RAB20: variants seen among roughly 807,000 people sequenced by gnomAD.
RAB20 encodes the protein ras-related protein Rab-20.
Under a neutral mutation model 3.7 loss-of-function variants are expected in RAB20, and 2 were observed. The ratio of observed to expected loss-of-function variants is 0.54; its 90% CI spans 0.22 to 1.69. The LOEUF is 1.69. RAB20 is among the 40% of genes most tolerant of loss of function. RAB20 has a pLI of 0.19. For missense variants in RAB20, 276 were observed against 311.9 expected (o/e 0.88, Z 0.87); for synonymous variants, 126 against 130.8 (o/e 0.96, Z 0.25).
intron 1 of RAB20, among the ~76,000 whole-genome samples, chr13:110,525,367 C>T (rs986150758): frequency 3.1e-4 from 47 of 152,200 alleles, no homozygotes; most frequent in African/African-American, 1.1e-3. Flanking sequence ...ATCAAATCAA[C>T]CCGGGTCAGA....
In RAB20 at chr13:110,523,996, CCCG is replaced by C; in HGVS notation, c.371_373del (p.Ala124del). ...GGGACTGCACTCTTCCTTCTCCTGG[CCCG>C]CCAAGGCCCCCTCCTCAGTGAGGTC... On this transcript the variant is annotated inframe_deletion, in exon 2 of 2. Coordinates refer to ENST00000267328, the MANE Select transcript of RAB20 (RefSeq NM_017817.3). 1.9e-6 allele frequency: 3 copies of C among 1,614,164 alleles called. No homozygotes were observed. The highest frequency in any genetic ancestry group is 2.5e-6 in the Non-Finnish European group (3 of 1,180,020).
chr13:110,540,697 G>A lies in RAB20; in HGVS notation c.173-16500C>T, dbSNP rs141782908. On this transcript the variant is annotated intron_variant, in intron 1 of 1. Coordinates refer to ENST00000267328, the MANE Select transcript of RAB20 (RefSeq NM_017817.3). ...GCGGAGGTTGCAGTGAGCTGCGATC[G>A]CGCCATTGCACTCCAGCCTGGGCAA... Among the ~76,000 whole-genome samples, 579 of 150,884 alleles carry A rather than the reference G, an allele frequency of 3.8e-3. 3 individuals are homozygous for A. Among genetic ancestry groups the A allele is most frequent in the African/African-American group, 0.013 (545 of 41,062 alleles).
intron 1 of RAB20, among the ~76,000 whole-genome samples, chr13:110,556,858 T>C (rs907758073): frequency 6.6e-6 from 1 of 152,190 alleles, no homozygotes; most frequent in Non-Finnish European, 1.5e-5. Flanking sequence ...AGTAACTAAT[T>C]TGTTATAGCA....
At chr13:110,539,401 C>T (rs1884713241) in intron 1 of RAB20, among the ~76,000 whole-genome samples, 1 of 152,074 alleles carries the variant, frequency 6.6e-6, no homozygotes. Context: ...CGAAATGAAG[C>T]TTTTTTCCTT....
intron 1 of RAB20, among the ~76,000 whole-genome samples, chr13:110,552,099 A>G (rs1462089057): frequency 6.6e-6 from 1 of 151,462 alleles, no homozygotes; most frequent in Non-Finnish European, 1.5e-5. Flanking sequence ...AATAAATAAG[A>G]CGGGCGCGGT....
intron 1 of RAB20, among the ~76,000 whole-genome samples, chr13:110,529,100 GAATTT>G (rs1395156721): frequency 4.6e-5 from 7 of 152,242 alleles, no homozygotes; most frequent in Admixed American, 1.3e-4. Context: ...AATCCTAATT[GAATTT>G]GAGTAGGGGC....
In RAB20 at chr13:110,524,136, G is replaced by T; in HGVS notation, c.234C>A (p.Leu78=). The T allele has an allele frequency of 6.2e-7, 1 of 1,610,324 alleles. No individual in the cohort carries two copies. Among genetic ancestry groups the T allele is most frequent in the Non-Finnish European group, 8.5e-7 (1 of 1,179,900 alleles). The change falls in exon 2 of 2, where the codon CTC becomes CTA. Residue 78 remains leucine (L), a synonymous_variant. Coordinates refer to ENST00000267328, the MANE Select transcript of RAB20 (RefSeq NM_017817.3). ...MYCRGAAAII[L]TYDVNHRQSL... ...TCTGCCGGTGATTCACATCATAGGT[G>T]AGGATGATGGCGGCCGCCCCCCGGC...
chr13:110,538,597 C>CAAAA (rs67409356), intron 1 of RAB20, among the ~76,000 whole-genome samples: 25 of 70,198 alleles, frequency 3.6e-4, no homozygotes, highest in Admixed American at 5.3e-4. Context: ...GATCTTCTCT[C>CAAAA]AAAAAAAAAA....
At position 110,555,813 on chromosome 13, in the gene RAB20, C is replaced by T. The variant is rs1311533454; in HGVS notation, c.172+5535G>A. On this transcript the variant is annotated intron_variant, in intron 1 of 1. Transcript: ENST00000267328. This position sits in a 1 kb window ranked among gnomAD's most constrained non-coding sequence, Gnocchi z 4.0. The stretch of plus-strand genomic sequence containing the variant: ...CTTTTATTCTCACTCTTTACCACGG[C>T]CACCGCGAGTGCCCCCAGCCTTCCC... 6.6e-6 allele frequency among the ~76,000 whole-genome samples: 1 copy of T among 152,200 alleles called. No individual in the cohort carries two copies. Among genetic ancestry groups the T allele is most frequent in the African/African-American group, 2.4e-5 (1 of 41,440 alleles).
At chr13:110,558,905 C>A (rs896192634) in intron 1 of RAB20, among the ~76,000 whole-genome samples, 70 of 150,992 alleles carry the variant, frequency 4.6e-4, no homozygotes, top group African/African-American at 1.4e-3. Context: ...ACCATGTTAG[C>A]CAGGATGGTC....
intron 1 of RAB20, among the ~76,000 whole-genome samples, chr13:110,551,379 C>G (rs331593): frequency 6.6e-6 from 1 of 152,110 alleles, no homozygotes; most frequent in Non-Finnish European, 1.5e-5. Flanking sequence ...CTGTGAGAAC[C>G]GAGCAAAGAC....
At chr13:110,546,312 A>T (rs1254118743) in intron 1 of RAB20, among the ~76,000 whole-genome samples, 1 of 152,218 alleles carries the variant, frequency 6.6e-6, no homozygotes, top group African/African-American at 2.4e-5. Context: ...ACTCAGAGAC[A>T]GGATCATATC....
chr13:110,540,742 CAAAA>C (rs57711956), intron 1 of RAB20, among the ~76,000 whole-genome samples: 1 of 142,280 alleles, frequency 7.0e-6, no homozygotes, highest in Non-Finnish European at 1.5e-5. Flanking sequence ...AACTCCGTCT[CAAAA>C]AAAAAAAAAA....
At chr13:110,531,043 G>C (rs922983252) in intron 1 of RAB20, among the ~76,000 whole-genome samples, 1 of 152,256 alleles carries the variant, frequency 6.6e-6, no homozygotes, top group Non-Finnish European at 1.5e-5. Context: ...CGCTGCATTA[G>C]CTATGGGAAG....
chr13:110,539,969 C>T (rs1212598545), intron 1 of RAB20, among the ~76,000 whole-genome samples: 2 of 152,358 alleles, frequency 1.3e-5, no homozygotes, highest in East Asian at 3.9e-4. Flanking sequence ...ACATGAACCA[C>T]TCACATCACT....
intron 1 of RAB20, among the ~76,000 whole-genome samples, chr13:110,548,973 C>T (rs1439339900): frequency 6.6e-6 from 1 of 152,228 alleles, no homozygotes; most frequent in African/African-American, 2.4e-5. Flanking sequence ...TGGGTCCCTA[C>T]AGAACCCAGA....
At chr13:110,545,793 T>A (rs1884840444) in intron 1 of RAB20, among the ~76,000 whole-genome samples, 1 of 151,882 alleles carries the variant, frequency 6.6e-6, no homozygotes, top group Non-Finnish European at 1.5e-5. Flanking sequence ...ACAATAGGAG[T>A]CTGTAAAATA....
At chr13:110,524,367 C>T (rs1291172965) in intron 1 of RAB20, among the ~76,000 whole-genome samples, 170 bp from the exon 2 acceptor site, 1 of 152,150 alleles carries the variant, frequency 6.6e-6, no homozygotes, top group Non-Finnish European at 1.5e-5. Flanking sequence ...GGGCACCATC[C>T]CCAAAGCAGG....
At chr13:110,545,436 G>A (rs1259690917) in intron 1 of RAB20, among the ~76,000 whole-genome samples, 1 of 152,210 alleles carries the variant, frequency 6.6e-6, no homozygotes, top group Non-Finnish European at 1.5e-5. Context: ...AAATCGTATT[G>A]TGAATGCTCT....
Sources: gnomAD v4.1 joint callset for allele counts (sites outside exome capture counted in the v4.1 genomes callset) on GRCh38, gnomAD v4.1.1 for gene constraint, Gnocchi (gnomAD v3.1) non-coding constraint, MANE v1.5 for transcripts, NCBI Gene and HGNC (gene_info 2026-07-23, HGNC 2026-07-21) for gene names.